Variants in RBMS1 observed in about 807,000 individuals in gnomAD.
RBMS1 encodes RNA binding motif single stranded interacting protein 1.
RBMS1 carries 17 observed loss-of-function variants against 62.3 expected under a neutral mutation model. That is an observed-to-expected ratio of 0.27 (90% CI 0.19 to 0.41). RBMS1 has a LOEUF of 0.41. RBMS1 is among the 10% of genes least tolerant of loss of function. The pLI is 1.00. For synonymous variants in RBMS1, 172 were observed against 170.0 expected, an observed-to-expected ratio of 1.01 and a Z score of -0.09; for missense variants, 334 against 504.5, an observed-to-expected ratio of 0.66 and a Z score of 3.24.
At chr2:160,435,563 TC>T (rs1447547439) in intron 1 of RBMS1, among the ~76,000 whole-genome samples, 1 of 152,226 alleles carries the variant, frequency 6.6e-6, no homozygotes, top group Admixed American at 6.5e-5. Context: ...TTTTATATTG[TC>T]CAAGCCTTAG....
At chr2:160,491,152 A>G (rs1685808064) in intron 1 of RBMS1, among the ~76,000 whole-genome samples, 1 of 152,128 alleles carries the variant, frequency 6.6e-6, no homozygotes, top group Non-Finnish European at 1.5e-5. Context: ...GCTTACCTAA[A>G]ATTTGCATCT....
intron 2 of RBMS1, among the ~76,000 whole-genome samples, chr2:160,336,777 C>A (rs567876491): frequency 1.4e-3 from 209 of 152,244 alleles, no homozygotes; most frequent in Non-Finnish European, 2.5e-3. Context: ...TTCAAGCACT[C>A]AATAGCCACA....
chr2:160,424,204 G>A (rs1239076275), intron 1 of RBMS1, among the ~76,000 whole-genome samples: 1 of 151,834 alleles, frequency 6.6e-6, no homozygotes, highest in Non-Finnish European at 1.5e-5. Context: ...ATTTTTAGCA[G>A]AGACAGGTTT....
chr2:160,391,960 C>CAAAAAAA (rs11302151), intron 1 of RBMS1, among the ~76,000 whole-genome samples: 1 of 139,212 alleles, frequency 7.2e-6, no homozygotes, highest in African/African-American at 2.6e-5. Context: ...ACTCCATCTC[C>CAAAAAAA]AAAAAAAAAA....
chr2:160,416,060 C>T (rs927884276), intron 1 of RBMS1: 3 of 148,790 alleles, frequency 2.0e-5, no homozygotes, highest in African/African-American at 7.5e-5. Context: ...TAAAAATTCC[C>T]CACCCTGAGT....
chr2:160,470,034 T>C (rs746090486), intron 1 of RBMS1, among the ~76,000 whole-genome samples: 17 of 152,204 alleles, frequency 1.1e-4, no homozygotes, highest in South Asian at 2.1e-4. Context: ...TGCACAGATA[T>C]ATTTTTAAAC....
At chr2:160,430,512 T>TA in intron 1 of RBMS1, among the ~76,000 whole-genome samples, 1 of 152,346 alleles carries the variant, frequency 6.6e-6, no homozygotes, top group East Asian at 1.9e-4. Flanking sequence ...AAATGCTATA[T>TA]ATCCCTATTT....
At chr2:160,454,517 G>T (rs1348586474) in intron 1 of RBMS1, among the ~76,000 whole-genome samples, 1 of 152,250 alleles carries the variant, frequency 6.6e-6, no homozygotes, top group Non-Finnish European at 1.5e-5. Flanking sequence ...ACAATGCAAA[G>T]TGAAAGTGGA....
intron 2 of RBMS1, among the ~76,000 whole-genome samples, chr2:160,363,064 G>A (rs1273959362): frequency 6.6e-6 from 1 of 152,316 alleles, no homozygotes; most frequent in East Asian, 1.9e-4. Flanking sequence ...GTAGGCTCTG[G>A]ACCAGCTCTT....
At chr2:160,442,977 G>A (rs1210209132) in intron 1 of RBMS1, among the ~76,000 whole-genome samples, 1 of 152,100 alleles carries the variant, frequency 6.6e-6, no homozygotes, top group Non-Finnish European at 1.5e-5. Flanking sequence ...AGGCAGAGGC[G>A]GGTGGATCAC....
intron 1 of RBMS1, among the ~76,000 whole-genome samples, chr2:160,455,773 T>A (rs2105325325): frequency 7.1e-6 from 1 of 141,444 alleles, no homozygotes; most frequent in Admixed American, 7.7e-5. Context: ...AAGCTCCGCC[T>A]CCCGGGTTCA....
intron 1 of RBMS1, among the ~76,000 whole-genome samples, chr2:160,492,019 A>C (rs371915606): frequency 6.6e-6 from 1 of 152,210 alleles, no homozygotes; most frequent in Non-Finnish European, 1.5e-5. Flanking sequence ...ATACAGGGCT[A>C]TGTCGTAAGT....
chr2:160,449,949 T>G (rs1683893422), intron 1 of RBMS1, among the ~76,000 whole-genome samples: 1 of 152,144 alleles, frequency 6.6e-6, no homozygotes, highest in Admixed American at 6.5e-5. Flanking sequence ...ATCTCCAACC[T>G]GATGAGGCCA....
intron 1 of RBMS1, among the ~76,000 whole-genome samples, chr2:160,480,398 TAACA>T (rs950027339): frequency 3.0e-4 from 45 of 152,320 alleles, no homozygotes; most frequent in Middle Eastern, 3.4e-3. Flanking sequence ...TGATCTGTGA[TAACA>T]AACATACTCT....
chr2:160,287,809 CT>C (rs1688480512), intron 6 of RBMS1, among the ~76,000 whole-genome samples: 1 of 152,068 alleles, frequency 6.6e-6, no homozygotes. Flanking sequence ...GCTAAAAATA[CT>C]TGTCCACCCT....
At chr2:160,423,126 T>G (rs1171122756) in intron 1 of RBMS1, among the ~76,000 whole-genome samples, 1 of 152,326 alleles carries the variant, frequency 6.6e-6, no homozygotes, top group African/African-American at 2.4e-5. Context: ...TGATTTCGAA[T>G]GAACTTCTCT....
intron 1 of RBMS1, among the ~76,000 whole-genome samples, chr2:160,393,891 C>T (rs896308704): frequency 6.6e-6 from 1 of 152,094 alleles, no homozygotes; most frequent in Admixed American, 6.5e-5. Flanking sequence ...ATAAGCTATG[C>T]GATGTCCTCA....
intron 1 of RBMS1, among the ~76,000 whole-genome samples, chr2:160,454,488 C>T (rs1234185774): frequency 6.6e-6 from 1 of 152,146 alleles, no homozygotes; most frequent in Non-Finnish European, 1.5e-5. Context: ...GGAAGTGCCT[C>T]TCTAAGGAAG....
At position 160,295,120 on chromosome 2, in the gene RBMS1, T is replaced by A. The variant is rs79801972; in HGVS notation, c.640+5531A>T. ...ACTGGGGACTTGTTTTGGAAAAAGC[T>A]GAATTCACTGTGCCAGTGTGCTTCC... On this transcript the variant is annotated intron_variant, in intron 6 of 13. Transcript: ENST00000348849. Among the ~76,000 whole-genome samples, 943 of 152,322 alleles carry A rather than the reference T, an allele frequency of 6.2e-3. 17 individuals are homozygous for A. The highest frequency in any genetic ancestry group is 0.02 in the African/African-American group (819 of 41,572).
Sources: allele counts gnomAD v4.1 joint callset (sites outside exome capture counted in the v4.1 genomes callset), GRCh38; gene constraint gnomAD v4.1.1; transcripts MANE v1.5; gene names NCBI Gene and HGNC (gene_info 2026-07-23, HGNC 2026-07-21).